SLC9A5: variants seen among roughly 807,000 people sequenced by gnomAD.
SLC9A5 encodes the protein sodium/hydrogen exchanger 5.
A neutral mutation model predicts 91.7 loss-of-function variants in SLC9A5; 52 were observed. That is an observed-to-expected ratio of 0.57 (90% CI 0.45 to 0.71). SLC9A5 has a LOEUF of 0.71. Ranked by LOEUF, SLC9A5 falls within the 30% of genes least tolerant of loss-of-function variation. The pLI is 0.00. For missense variants in SLC9A5, 871 were observed against 1,158.9 expected (o/e 0.75, Z 3.61); for synonymous variants, 419 against 474.5 (o/e 0.88, Z 1.52).
Position 67,257,447 on chromosome 16 carries a change from AC to A in SLC9A5, c.1425+17del. 1 of 1,613,918 alleles carries A rather than the reference AC, an allele frequency of 6.2e-7. No individual in the cohort carries two copies. The highest frequency in any genetic ancestry group is 8.5e-7 in the Non-Finnish European group (1 of 1,179,824). ...GCTGCATGAACACGTGGGTATCAGA[AC>A]CCCAGCCCTCGCCTGTCCCTCTCGA... On this transcript the variant is annotated intron_variant, in intron 8 of 15. Coordinates refer to ENST00000299798, the MANE Select transcript of SLC9A5 (RefSeq NM_004594.3). The surrounding 1 kb of genome is among the most constrained non-coding windows in gnomAD (Gnocchi z 5.1).
chr16:67,259,798 A>T (rs1180345958), intron 11 of SLC9A5, 22 bp from the exon 12 acceptor site: 2 of 1,613,042 alleles, frequency 1.2e-6, no homozygotes, highest in East Asian at 2.2e-5. Flanking sequence ...TCTCCAGCAC[A>T]TGTGTCCCCT....
chr16:67,249,039 C>T lies in SLC9A5; in HGVS notation c.25C>T (p.Leu9Phe), dbSNP rs753680193. 8.7e-6 allele frequency: 13 copies of T among 1,493,544 alleles called. No individual in the cohort carries two copies. The African/African-American group carries it at 1.7e-4, about 20-fold the overall frequency. The allele number at this position is 1,493,544 out of a possible 1,614,324, so 92.5% of individuals were successfully genotyped here. A position where few individuals can be genotyped will look rare whatever the true frequency, so the allele number is the denominator to read the frequency against. Residue 9 changes from leucine (L) to phenylalanine (F), a missense_variant, in exon 1 of 16, where the codon CTC (leucine) becomes TTC (phenylalanine). Coordinates refer to ENST00000299798, the MANE Select transcript of SLC9A5 (RefSeq NM_004594.3). The stretch of plus-strand genomic sequence containing the variant: ...GATGCTGCGCGCCGCCCTGTCCCTG[C>T]TCGCGCTGCCCCTGGCGGGGGCGGC... MLRAALSL[L>F]ALPLAGAAEE...
intron 15 of SLC9A5, among the ~76,000 whole-genome samples, chr16:67,266,700 C>G (rs750008678): frequency 3.9e-5 from 6 of 151,994 alleles, no homozygotes; most frequent in Non-Finnish European, 7.4e-5. Flanking sequence ...ACCCCCACGC[C>G]TGGCTAATTT....
In SLC9A5 at chr16:67,257,523, C is replaced by G. The variant is rs771835139; in HGVS notation, c.1426-8C>G. The G allele has an allele frequency of 1.5e-5, 24 of 1,614,064 alleles. No homozygotes were observed. Among genetic ancestry groups the G allele is most frequent in the African/African-American group, 2.7e-5 (2 of 74,930 alleles). ...CTGATCCAGTCCCCCTACCCACCCCCCTTCTAGACTTTTGACCACATTCTG... is the reference window on the plus strand; with the variant it reads ...CTGATCCAGTCCCCCTACCCACCCCGCTTCTAGACTTTTGACCACATTCTG... On this transcript the variant is annotated splice_region_variant and splice_polypyrimidine_tract_variant and intron_variant, in intron 8 of 15. Coordinates refer to ENST00000299798, the MANE Select transcript of SLC9A5 (RefSeq NM_004594.3). The surrounding 1 kb of genome is among the most constrained non-coding windows in gnomAD (Gnocchi z 5.1).
In SLC9A5 at chr16:67,252,462, AC is replaced by A. The variant is rs1256983657; in HGVS notation, c.188-79del. 3.0e-6 allele frequency: 4 copies of A among 1,321,238 alleles called. No homozygotes were observed. Among genetic ancestry groups the A allele is most frequent in the South Asian group, 1.4e-5 (1 of 71,084 alleles). 81.8% of individuals were successfully genotyped at this position (1,321,238 alleles called of 1,614,324 possible). A position where few individuals can be genotyped will look rare whatever the true frequency, so the allele number is the denominator to read the frequency against. On this transcript the variant is annotated intron_variant, in intron 1 of 15. Coordinates refer to ENST00000299798, the MANE Select transcript of SLC9A5 (RefSeq NM_004594.3). This position sits in a 1 kb window ranked among gnomAD's most constrained non-coding sequence, Gnocchi z 4.0. ...GAGACTTCATCTCAAAAAAAAAAAA[AC>A]AAAACTGGGAGTTCATAGGCCTGTG...
chr16:67,259,410 A>G (rs1320290490), intron 10 of SLC9A5, among the ~76,000 whole-genome samples, 163 bp from the exon 11 acceptor site: 1 of 150,372 alleles, frequency 6.7e-6, no homozygotes, highest in African/African-American at 2.4e-5. Flanking sequence ...ACAAGTACCT[A>G]TGTTATAGAT....
Position 67,266,095 on chromosome 16 carries a change from G to C in SLC9A5, c.2088G>C (p.Val696=), listed in dbSNP as rs2035690551. 6.2e-7 allele frequency: 1 copy of C among 1,611,818 alleles called. No individual in the cohort carries two copies. The highest frequency in any genetic ancestry group is 8.5e-7 in the Non-Finnish European group (1 of 1,179,054). The change falls in exon 15 of 16, where the codon GTG becomes GTC. Residue 696 remains valine, a synonymous_variant. Transcript: ENST00000299798. ...GCTCTTGTCTCTGTCCAGCTGCTGT[G>C]ATATTAACCGTGGAGTCTGAGGAGG... ...RGLGFQDTAA[V]ILTVESEEEE... is the part of the protein sequence containing the mutation.
intron 1 of SLC9A5, among the ~76,000 whole-genome samples, chr16:67,251,832 G>A (rs2035133811): frequency 6.6e-6 from 1 of 152,112 alleles, no homozygotes; most frequent in African/African-American, 2.4e-5. Flanking sequence ...TAAGATCACA[G>A]AACTAAGCTT....
chr16:67,269,594 C>T (rs1222620516), intron 15 of SLC9A5, among the ~76,000 whole-genome samples: 1 of 152,136 alleles, frequency 6.6e-6, no homozygotes, highest in African/African-American at 2.4e-5. Context: ...TTTTGTTTTA[C>T]ACTTTTTGTT....
chr16:67,253,579 A>G (rs765933057), intron 2 of SLC9A5, among the ~76,000 whole-genome samples: 39 of 152,168 alleles, frequency 2.6e-4, no homozygotes, highest in Admixed American at 4.6e-4. Context: ...CTAGAGTGCA[A>G]TGGCATGATC....
chr16:67,259,511 C>T (rs2035447754), intron 10 of SLC9A5, 62 bp from the exon 11 acceptor site: 1 of 1,167,794 alleles, frequency 8.6e-7, no homozygotes. Context: ...TTCTTTATTA[C>T]CCCTGACTCC....
chr16:67,255,778 C>T lies in SLC9A5; in HGVS notation c.759C>T (p.Gly253=), dbSNP rs376810491. The stretch of plus-strand genomic sequence containing the variant: ...CCTCCCTGTTTGTGGTCAGTCTGGG[C>T]GGGGCAGCCGTGGGCTTAGTCTTTG... The part of the protein sequence containing the change: ...GVASLFVVSL[G]GAAVGLVFAF... The change falls in exon 5 of 16, where the codon GGC becomes GGT. Residue 253 remains glycine (G), a synonymous_variant. Coordinates refer to ENST00000299798, the MANE Select transcript of SLC9A5 (RefSeq NM_004594.3). The surrounding 1 kb of genome is among the most constrained non-coding windows in gnomAD (Gnocchi z 4.9). 85 of 1,586,318 alleles carry T rather than the reference C, an allele frequency of 5.4e-5. No homozygotes were observed. The highest frequency in any genetic ancestry group is 1.1e-4 in the Admixed American group (6 of 56,338).
At chr16:67,259,188 G>A (rs1451690885) in intron 10 of SLC9A5, among the ~76,000 whole-genome samples, 1 of 151,484 alleles carries the variant, frequency 6.6e-6, no homozygotes, top group Non-Finnish European at 1.5e-5. Context: ...GAACCCTGGT[G>A]GAGTTTGCAG....
chr16:67,249,664 T>C (rs1305472301), intron 1 of SLC9A5, among the ~76,000 whole-genome samples: 1 of 152,178 alleles, frequency 6.6e-6, no homozygotes, highest in Non-Finnish European at 1.5e-5. Flanking sequence ...CGAGTGTCCA[T>C]TCCCTTGGGA....
In SLC9A5 at chr16:67,255,170, G is replaced by A. The variant is rs1014520422; in HGVS notation, c.640G>A (p.Asp214Asn). The A allele has an allele frequency of 6.2e-6, 10 of 1,613,520 alleles. No homozygotes were observed. Among genetic ancestry groups the A allele is most frequent in the Admixed American group, 1.7e-5 (1 of 59,976 alleles). The change falls in exon 3 of 16, where the codon GAT (aspartate) becomes AAT (asparagine). Residue 214 changes from aspartate (D) to asparagine (N), a missense_variant. Coordinates refer to ENST00000299798, the MANE Select transcript of SLC9A5 (RefSeq NM_004594.3). This position sits in a 1 kb window ranked among gnomAD's most constrained non-coding sequence, Gnocchi z 4.9. Reference sequence around the variant, plus strand: ...CGTCTTTGGCGAGTCCCTGCTCAACGATGCTGTCACCGTGGTGAGCGTGCT... The same window carrying A: ...CGTCTTTGGCGAGTCCCTGCTCAACAATGCTGTCACCGTGGTGAGCGTGCT... ...IIVFGESLLN[D>N]AVTVVLYKVC...
chr16:67,254,692 C>T (rs2035246058), intron 2 of SLC9A5, among the ~76,000 whole-genome samples: 1 of 152,236 alleles, frequency 6.6e-6, no homozygotes, highest in Non-Finnish European at 1.5e-5. Context: ...GTCACTGTAC[C>T]TGGGCTTTTT....
chr16:67,258,276 C>T lies in SLC9A5; in HGVS notation c.1497-42C>T, dbSNP rs766040987. On this transcript the variant is annotated intron_variant, in intron 9 of 15. Coordinates refer to ENST00000299798, the MANE Select transcript of SLC9A5 (RefSeq NM_004594.3). This position sits in a 1 kb window ranked among gnomAD's most constrained non-coding sequence, Gnocchi z 4.5. ...CTGAGGAAGGGCCACCTGGCCAGGCCTTGGGAATGGGACTCAGGGCCGGGC... is the reference window on the plus strand; with the variant it reads ...CTGAGGAAGGGCCACCTGGCCAGGCTTTGGGAATGGGACTCAGGGCCGGGC... 1 of 1,609,772 alleles carries T rather than the reference C, an allele frequency of 6.2e-7. No homozygotes were observed. The highest frequency in any genetic ancestry group is 1.1e-5 in the South Asian group (1 of 91,014).
rs1259643723 is a variant in SLC9A5, at chr16:67,257,933, G to C, written c.1496+332G>C. 6.6e-6 allele frequency among the ~76,000 whole-genome samples: 1 copy of C among 152,174 alleles called. No homozygotes were observed. Among genetic ancestry groups the C allele is most frequent in the Non-Finnish European group, 1.5e-5 (1 of 68,038 alleles). On this transcript the variant is annotated intron_variant, in intron 9 of 15. Coordinates refer to ENST00000299798, the MANE Select transcript of SLC9A5 (RefSeq NM_004594.3). The surrounding 1 kb of genome is among the most constrained non-coding windows in gnomAD (Gnocchi z 5.1). ...CAGCCTGGCCACTGGGACCTTCTCT[G>C]TACTAGAACACTCCTTCACCTCCCT... is the stretch of plus-strand genomic sequence containing the variant.
Position 67,257,305 on chromosome 16 carries a change from A to T in SLC9A5, c.1336-40A>T. The stretch of plus-strand genomic sequence containing the variant: ...GGGAGAGAAAGGCAGCAGGGAACTG[A>T]ATAGGAATAGGGCAGGGCTCACCTC... On this transcript the variant is annotated intron_variant, in intron 7 of 15. Coordinates refer to ENST00000299798, the MANE Select transcript of SLC9A5 (RefSeq NM_004594.3). The surrounding 1 kb of genome is among the most constrained non-coding windows in gnomAD (Gnocchi z 5.1). 1 of 1,549,780 alleles carries T rather than the reference A, an allele frequency of 6.5e-7. No homozygotes were observed. The highest frequency in any genetic ancestry group is 8.9e-7 in the Non-Finnish European group (1 of 1,121,680).
Sources: allele counts gnomAD v4.1 joint callset (sites outside exome capture counted in the v4.1 genomes callset), GRCh38; gene constraint gnomAD v4.1.1; non-coding constraint Gnocchi (gnomAD v3.1); transcripts MANE v1.5; gene names NCBI Gene and HGNC (gene_info 2026-07-23, HGNC 2026-07-21).